DYM: variants seen among roughly 807,000 people sequenced by gnomAD.
DYM encodes the protein dymeclin.
In DYM, 78 loss-of-function variants were observed where a neutral mutation model predicts 93.1. The ratio of observed to expected loss-of-function variants is 0.84; its 90% CI spans 0.70 to 1.01. The LOEUF is 1.01. DYM is among the 50% of genes least tolerant of loss of function. DYM has a pLI of 0.00. For synonymous variants in DYM, 321 were observed against 319.7 expected, an observed-to-expected ratio of 1.00 and a Z score of -0.04; for missense variants, 789 against 845.0, an observed-to-expected ratio of 0.93 and a Z score of 0.82.
In DYM at chr18:49,456,196, T is replaced by C. The variant is rs1199668623; in HGVS notation, c.-54+4202A>G. ...AAGGGCCATACTTTAGGGTTAACAGTGTAAGAAACTACAAGGAGGCTGGGT... is the reference window on the plus strand; with the variant it reads ...AAGGGCCATACTTTAGGGTTAACAGCGTAAGAAACTACAAGGAGGCTGGGT... On this transcript the variant is annotated intron_variant, in intron 1 of 17. Coordinates refer to ENST00000675505, the MANE Select transcript of DYM (RefSeq NM_001353214.3). Among the ~76,000 whole-genome samples, 3 of 152,234 alleles carry C rather than the reference T, an allele frequency of 2.0e-5. No individual in the cohort carries two copies. The East Asian group carries it at 5.8e-4, about 29-fold the overall frequency.
chr18:49,432,674 T>A (rs2148484482), intron 1 of DYM, among the ~76,000 whole-genome samples: 1 of 148,720 alleles, frequency 6.7e-6, no homozygotes, highest in Non-Finnish European at 1.5e-5. Flanking sequence ...TACAGTGGCG[T>A]GATTATAGCT....
intron 15 of DYM, among the ~76,000 whole-genome samples, chr18:49,156,966 A>G (rs1222530804): frequency 1.3e-5 from 2 of 151,174 alleles, no homozygotes; most frequent in African/African-American, 2.4e-5. Context: ...GCATTCAGGA[A>G]AAGCAGCTGG....
intron 8 of DYM, among the ~76,000 whole-genome samples, chr18:49,305,880 C>T (rs1158226978): frequency 6.6e-6 from 1 of 152,192 alleles, no homozygotes; most frequent in Non-Finnish European, 1.5e-5. Flanking sequence ...AAAGTAACCA[C>T]CAAGCTCCAT....
At chr18:49,305,386 T>G (rs934505295) in intron 8 of DYM, among the ~76,000 whole-genome samples, 4 of 152,190 alleles carry the variant, frequency 2.6e-5, no homozygotes, top group African/African-American at 9.6e-5. Context: ...TCCTACTACA[T>G]TGACCTAGTC....
intron 8 of DYM, among the ~76,000 whole-genome samples, chr18:49,303,977 A>G (rs2061118778): frequency 6.6e-6 from 1 of 152,216 alleles, no homozygotes; most frequent in African/African-American, 2.4e-5. Flanking sequence ...ACATACATGC[A>G]CACACAGACA....
intron 6 of DYM, among the ~76,000 whole-genome samples, chr18:49,342,594 G>T (rs1267547749): frequency 6.6e-6 from 1 of 152,124 alleles, no homozygotes; most frequent in African/African-American, 2.4e-5. Flanking sequence ...TATACTATCT[G>T]CCAGATTAGG....
intron 1 of DYM, among the ~76,000 whole-genome samples, chr18:49,433,662 G>C (rs2080540769): frequency 6.6e-6 from 1 of 152,116 alleles, no homozygotes; most frequent in Admixed American, 6.5e-5. Context: ...AAGGCCAGAA[G>C]TTCGAGACTA....
At chr18:49,396,453 C>A (rs1226494907) in intron 2 of DYM, among the ~76,000 whole-genome samples, 1 of 152,014 alleles carries the variant, frequency 6.6e-6, no homozygotes, top group East Asian at 1.9e-4. Flanking sequence ...ATCCCTAATC[C>A]AAAAATCCAA....
At chr18:49,424,349 C>A (rs111967669) in intron 2 of DYM, among the ~76,000 whole-genome samples, 4 of 151,934 alleles carry the variant, frequency 2.6e-5, no homozygotes, top group East Asian at 1.9e-4. Context: ...ATTCAACAGC[C>A]CTTCATGCTA....
At chr18:49,268,695 T>C (rs1315003839) in intron 11 of DYM, among the ~76,000 whole-genome samples, 6 of 152,188 alleles carry the variant, frequency 3.9e-5, no homozygotes, top group African/African-American at 1.4e-4. Context: ...TGGGTGGTAA[T>C]GACACAAATA....
chr18:49,314,515 T>C (rs1253077128), intron 8 of DYM, among the ~76,000 whole-genome samples: 1 of 152,242 alleles, frequency 6.6e-6, no homozygotes, highest in African/African-American at 2.4e-5. Context: ...AGTAGATACA[T>C]ATTCAGTTTT....
At chr18:49,404,093 C>T (rs913191755) in intron 2 of DYM, among the ~76,000 whole-genome samples, 4 of 152,022 alleles carry the variant, frequency 2.6e-5, no homozygotes, top group African/African-American at 4.8e-5. Flanking sequence ...CTGCAACCTC[C>T]GCCTCCCGGA....
At chr18:49,053,051 T>C (rs749138749) in intron 17 of DYM, among the ~76,000 whole-genome samples, 7 of 152,256 alleles carry the variant, frequency 4.6e-5, no homozygotes, top group Non-Finnish European at 8.8e-5. Context: ...CAAAGCTACT[T>C]ACAGCAATCC....
At chr18:49,064,503 C>G (rs933455950) in intron 17 of DYM, among the ~76,000 whole-genome samples, 12 of 152,064 alleles carry the variant, frequency 7.9e-5, no homozygotes, top group African/African-American at 2.9e-4. Flanking sequence ...CTTCATACTC[C>G]CTAAAGAAAC....
Position 49,430,301 on chromosome 18 carries a change from ACG to A in DYM, c.92_93del (p.Pro31LeufsTer15). 1.2e-6 allele frequency: 2 copies of A among 1,614,100 alleles called. No individual in the cohort carries two copies. Among genetic ancestry groups the A allele is most frequent in the Non-Finnish European group, 1.7e-6 (2 of 1,180,012 alleles). On this transcript the variant is annotated frameshift_variant, in exon 2 of 18. Coordinates refer to ENST00000675505, the MANE Select transcript of DYM (RefSeq NM_001353214.3). LOFTEE classifies it high-confidence loss of function. ...GAAAATGAGAGAAGCTGATTCCAGA[ACG>A]GGTCATTCTCAGAGATAGATTCCGT... Reference protein sequence around the residue: ...SGTESISENDPFWNQLLSFSF... With the variant: ...SGTESISENDXFWNQLLSFSF...
At chr18:49,161,255 C>A (rs1358831262) in intron 15 of DYM, among the ~76,000 whole-genome samples, 5 of 152,168 alleles carry the variant, frequency 3.3e-5, no homozygotes, top group Admixed American at 6.5e-5. Context: ...GCAGAATTCA[C>A]AGGACTGTTA....
chr18:49,202,767 G>A (rs1433175217), intron 14 of DYM, among the ~76,000 whole-genome samples: 1 of 37,042 alleles, frequency 2.7e-5, no homozygotes, highest in East Asian at 1.2e-3. Flanking sequence ...CAACCACCCC[G>A]TCTGAGAAGT....
chr18:49,115,822 T>G lies in DYM; in HGVS notation c.1911+2922A>C, dbSNP rs576955825. ...TATTAGACATCAAGAGTCTCAAGACTATAAAAGGCCACACTTTGCATCAGA... is the reference window on the plus strand; with the variant it reads ...TATTAGACATCAAGAGTCTCAAGACGATAAAAGGCCACACTTTGCATCAGA... On this transcript the variant is annotated intron_variant, in intron 16 of 17. Transcript: ENST00000675505. 3.3e-5 allele frequency among the ~76,000 whole-genome samples: 5 copies of G among 152,322 alleles called. No homozygotes were observed. The South Asian group carries it at 1.0e-3, about 32-fold the overall frequency.
At chr18:49,193,151 C>A (rs1375718790) in intron 14 of DYM, among the ~76,000 whole-genome samples, 1 of 151,888 alleles carries the variant, frequency 6.6e-6, no homozygotes, top group Non-Finnish European at 1.5e-5. Flanking sequence ...CACCACTTTG[C>A]ACCCCATAAA....
Sources: allele counts gnomAD v4.1 joint callset (sites outside exome capture counted in the v4.1 genomes callset), GRCh38; gene constraint gnomAD v4.1.1; transcripts MANE v1.5; gene names NCBI Gene and HGNC (gene_info 2026-07-23, HGNC 2026-07-21).